DIS3L2: variants seen among roughly 807,000 people sequenced by gnomAD.
The protein encoded by DIS3L2 is DIS3-like exonuclease 2.
A neutral mutation model predicts 97.5 loss-of-function variants in DIS3L2; 34 were observed. The observed-to-expected ratio is 0.35, with a 90% CI of 0.27 to 0.46. DIS3L2 has a LOEUF of 0.46. Among genes scored for constraint, DIS3L2 ranks in the 20% least tolerant of loss-of-function variants. The probability of loss-of-function intolerance (pLI) is 1.00; values close to 1 mark genes in which losing one functional copy is unlikely to be tolerated. For missense variants in DIS3L2, 1,038 were observed against 1,146.0 expected (o/e 0.91, Z 1.36); for synonymous variants, 435 against 445.2 (o/e 0.98, Z 0.29).
At chr2:231,995,560 T>TC (rs1369655296) in intron 1 of DIS3L2, among the ~76,000 whole-genome samples, 1 of 152,194 alleles carries the variant, frequency 6.6e-6, no homozygotes, top group Non-Finnish European at 1.5e-5. Context: ...ACATTTTGTA[T>TC]CATCAAAGCC....
At chr2:231,969,527 C>T (rs1006282256) in intron 1 of DIS3L2, among the ~76,000 whole-genome samples, 13 of 151,966 alleles carry the variant, frequency 8.6e-5, no homozygotes, top group Admixed American at 3.3e-4. Context: ...GCCAGGCCAG[C>T]GTCAAACTCC....
chr2:232,110,056 C>T (rs1049184925), intron 6 of DIS3L2, among the ~76,000 whole-genome samples: 1 of 151,926 alleles, frequency 6.6e-6, no homozygotes, highest in Admixed American at 6.6e-5. Context: ...GTGAACAGAC[C>T]CTTCTCAAAA....
intron 20 of DIS3L2, 23 bp downstream of exon 20, chr2:232,335,897 G>GC: frequency 6.5e-7 from 1 of 1,549,838 alleles, no homozygotes; most frequent in Non-Finnish European, 8.7e-7. Context: ...CTGTGTCCCA[G>GC]CCCCCTAAGT....
intron 5 of DIS3L2, among the ~76,000 whole-genome samples, chr2:232,031,972 GTGTGCATA>G (rs201360578): frequency 0.015 from 2,226 of 152,140 alleles, 22 homozygotes; most frequent in Non-Finnish European, 0.021. Flanking sequence ...ATGTGTGCAT[GTGTGCATA>G]TGTCTTTACA....
At chr2:232,213,293 C>T (rs531653458) in intron 10 of DIS3L2, among the ~76,000 whole-genome samples, 1 of 152,280 alleles carries the variant, frequency 6.6e-6, no homozygotes, top group African/African-American at 2.4e-5. Flanking sequence ...CAGTAGCCTA[C>T]TGCACCAGGT....
At chr2:232,063,513 G>A (rs1559588175) in intron 5 of DIS3L2, among the ~76,000 whole-genome samples, 1 of 152,064 alleles carries the variant, frequency 6.6e-6, no homozygotes, top group East Asian at 1.9e-4. Flanking sequence ...GAAGCTTCCA[G>A]CTGCAGTGAC....
At chr2:232,108,170 A>G (rs1408334584) in intron 6 of DIS3L2, among the ~76,000 whole-genome samples, 2 of 152,084 alleles carry the variant, frequency 1.3e-5, no homozygotes, top group East Asian at 1.9e-4. Context: ...CAGCTCATCA[A>G]AAAGCTGATC....
chr2:232,273,131 C>G (rs1395949287), intron 13 of DIS3L2, among the ~76,000 whole-genome samples: 3 of 152,096 alleles, frequency 2.0e-5, no homozygotes, highest in Non-Finnish European at 4.4e-5. Flanking sequence ...CAGAGAAGTT[C>G]ACATTTGTTT....
chr2:232,216,830 TCTCCCCTCCC>T (rs533291144), intron 10 of DIS3L2, among the ~76,000 whole-genome samples: 3 of 134,100 alleles, frequency 2.2e-5, no homozygotes, highest in African/African-American at 5.4e-5. Context: ...CCTCCTCTCC[TCTCCCCTCCC>T]CTCCCCTCCC....
At chr2:232,118,639 C>A (rs984312751) in intron 6 of DIS3L2, among the ~76,000 whole-genome samples, 1 of 152,302 alleles carries the variant, frequency 6.6e-6, no homozygotes, top group Middle Eastern at 3.4e-3. Flanking sequence ...GCCAGTTGCT[C>A]TCATGTTTAA....
chr2:232,254,975 A>G (rs1308248888), intron 12 of DIS3L2, among the ~76,000 whole-genome samples: 1 of 152,254 alleles, frequency 6.6e-6, no homozygotes, highest in Non-Finnish European at 1.5e-5. Context: ...CGACCACATG[A>G]GAGGTAGACC....
intron 6 of DIS3L2, among the ~76,000 whole-genome samples, chr2:232,113,678 C>A (rs1697611816): frequency 6.6e-6 from 1 of 152,192 alleles, no homozygotes; most frequent in Non-Finnish European, 1.5e-5. Context: ...CTGACCTAAC[C>A]AACTCCATCT....
chr2:231,967,686 G>C (rs529964553), intron 1 of DIS3L2, among the ~76,000 whole-genome samples: 18 of 152,092 alleles, frequency 1.2e-4, no homozygotes, highest in African/African-American at 4.3e-4. Flanking sequence ...TTTTTTTGTT[G>C]AAATAATGCA....
intron 14 of DIS3L2, among the ~76,000 whole-genome samples, chr2:232,311,772 C>T (rs1695141394): frequency 6.6e-6 from 1 of 152,138 alleles, no homozygotes; most frequent in Non-Finnish European, 1.5e-5. Flanking sequence ...TGTGAGAATT[C>T]ATCTTTGCTG....
intron 10 of DIS3L2, among the ~76,000 whole-genome samples, chr2:232,234,632 C>G (rs1456638585): frequency 6.6e-6 from 1 of 152,078 alleles, no homozygotes; most frequent in Non-Finnish European, 1.5e-5. Flanking sequence ...GATTACAGGT[C>G]TTTATTATTT....
intron 9 of DIS3L2, among the ~76,000 whole-genome samples, chr2:232,189,455 A>G (rs1460090251): frequency 6.6e-6 from 1 of 152,222 alleles, no homozygotes; most frequent in Non-Finnish European, 1.5e-5. Context: ...CAAGGGTTAC[A>G]TATGTACTGT....
At chr2:232,224,744 C>T (rs1358249580) in intron 10 of DIS3L2, among the ~76,000 whole-genome samples, 1 of 151,144 alleles carries the variant, frequency 6.6e-6, no homozygotes, top group South Asian at 2.1e-4. Context: ...GAGGCTGAGG[C>T]ATGAGAATCA....
chr2:232,112,529 TG>T (rs1400690833), intron 6 of DIS3L2, among the ~76,000 whole-genome samples: 3 of 152,154 alleles, frequency 2.0e-5, no homozygotes, highest in Non-Finnish European at 4.4e-5. Context: ...CTTACTGAAC[TG>T]GTAAATACAG....
intron 6 of DIS3L2, 139 bp downstream of exon 6, chr2:232,087,860 G>A (rs1477382160): frequency 3.0e-6 from 2 of 675,248 alleles, no homozygotes; most frequent in African/African-American, 1.8e-5. Context: ...TCAGAAAAGG[G>A]GGATCTTTGA....
Sources: allele counts gnomAD v4.1 joint callset (sites outside exome capture counted in the v4.1 genomes callset), GRCh38; gene constraint gnomAD v4.1.1; transcripts MANE v1.5; gene names NCBI Gene and HGNC (gene_info 2026-07-23, HGNC 2026-07-21).